KIRREL3: variants seen among roughly 807,000 people sequenced by gnomAD.
KIRREL3 encodes kin of IRRE-like protein 3.
A neutral mutation model predicts 89.7 loss-of-function variants in KIRREL3; 36 were observed. The ratio of observed to expected loss-of-function variants is 0.40; its 90% CI spans 0.31 to 0.53. KIRREL3 has a LOEUF of 0.53. KIRREL3 is among the 20% of genes least tolerant of loss of function. The pLI, the probability that KIRREL3 is intolerant of heterozygous loss-of-function variation, is 0.49. For missense variants in KIRREL3, 864 were observed against 1,056.6 expected (o/e 0.82, Z 2.53); for synonymous variants, 445 against 441.4 (o/e 1.01, Z -0.10).
rs966328005 is a variant in KIRREL3, at chr11:126,571,640, C to T, written c.56-8728G>A. ...TATTCCTATTTGACAGAAGGGAAAC[C>T]GAGGATCCAAAAGGTTACAAAACTT... On this transcript the variant is annotated intron_variant, in intron 1 of 16. Coordinates refer to ENST00000525144, the MANE Select transcript of KIRREL3 (RefSeq NM_032531.4). This position sits in a 1 kb window ranked among gnomAD's most constrained non-coding sequence, Gnocchi z 7.7. Among the ~76,000 whole-genome samples the T allele has an allele frequency of 6.6e-5, 10 of 152,106 alleles. No individual in the cohort carries two copies. The highest frequency in any genetic ancestry group is 2.6e-4 in the Admixed American group (4 of 15,274).
Position 126,523,519 on chromosome 11 carries a change from T to G in KIRREL3, c.284-2055A>C, listed in dbSNP as rs1008348825. 6.6e-6 allele frequency among the ~76,000 whole-genome samples: 1 copy of G among 152,142 alleles called. No homozygotes were observed. Among genetic ancestry groups the G allele is most frequent in the African/African-American group, 2.4e-5 (1 of 41,422 alleles). ...TCCTCATCATGCAATAAAATGGCCC[T>G]GTCCTCCCCAGCTGTGCAGGCCTGG... On this transcript the variant is annotated intron_variant, in intron 3 of 16. Transcript: ENST00000525144. This position sits in a 1 kb window ranked among gnomAD's most constrained non-coding sequence, Gnocchi z 4.9.
At chr11:126,967,103 C>G (rs545404045) in intron 1 of KIRREL3, among the ~76,000 whole-genome samples, 1 of 152,302 alleles carries the variant, frequency 6.6e-6, no homozygotes, top group Admixed American at 6.5e-5. Flanking sequence ...GAAACTTTCT[C>G]TGACCCGGAG....
chr11:127,001,676 C>T (rs1374960371), upstream of KIRREL3, among the ~76,000 whole-genome samples: 1 of 152,122 alleles, frequency 6.6e-6, no homozygotes, highest in African/African-American at 2.4e-5. Flanking sequence ...ACTCGGTTTC[C>T]TCCAGGATAT....
intron 1 of KIRREL3, among the ~76,000 whole-genome samples, chr11:126,619,484 A>T (rs554701106): frequency 2.6e-4 from 39 of 152,332 alleles, no homozygotes; most frequent in African/African-American, 5.8e-4. Context: ...TCACATTTTA[A>T]AAAAAGATCC....
rs1318402160 is a variant in KIRREL3, at chr11:126,709,212, T to A, written c.56-146300A>T. Among the ~76,000 whole-genome samples the A allele has an allele frequency of 2.0e-5, 3 of 152,212 alleles. No homozygotes were observed. The East Asian group carries it at 5.8e-4, about 29-fold the overall frequency. On this transcript the variant is annotated intron_variant, in intron 1 of 16. Coordinates refer to ENST00000525144, the MANE Select transcript of KIRREL3 (RefSeq NM_032531.4). The surrounding 1 kb of genome is among the most constrained non-coding windows in gnomAD (Gnocchi z 4.0). ...GCAAAAAGGTCAAGAAATTATTAGA[T>A]CAATTTCAAGTCCTCTTCCTGGCAT...
chr11:126,494,067 C>T (rs1310293118), intron 4 of KIRREL3, among the ~76,000 whole-genome samples: 1 of 152,134 alleles, frequency 6.6e-6, no homozygotes, highest in Non-Finnish European at 1.5e-5. Flanking sequence ...GTAAAAATAT[C>T]CACGATGAGG....
intron 1 of KIRREL3, among the ~76,000 whole-genome samples, chr11:126,820,970 C>T (rs991207558): frequency 1.3e-5 from 2 of 152,030 alleles, no homozygotes; most frequent in Non-Finnish European, 2.9e-5. Context: ...TTCGAGCTTA[C>T]TAGGTCTGAG....
rs894488986 is a variant in KIRREL3 at position 126,802,469 on chromosome 11, G to C, written c.55+197986C>G. On this transcript the variant is annotated intron_variant, in intron 1 of 16. Coordinates refer to ENST00000525144, the MANE Select transcript of KIRREL3 (RefSeq NM_032531.4). The surrounding 1 kb of genome is among the most constrained non-coding windows in gnomAD (Gnocchi z 5.2). ...CTGGGTCCATAGTCTGTGTGGCGTC[G>C]TTCTTCTCATGTCTGCGTGGATTTT... Among the ~76,000 whole-genome samples the C allele has an allele frequency of 1.3e-5, 2 of 152,158 alleles. No individual in the cohort carries two copies. The highest frequency in any genetic ancestry group is 2.9e-5 in the Non-Finnish European group (2 of 68,022).
rs573615434 is a variant in KIRREL3, at chr11:126,689,225, C to T, written c.56-126313G>A. Among the ~76,000 whole-genome samples the T allele has an allele frequency of 3.0e-4, 45 of 152,242 alleles. No individual in the cohort carries two copies. Among genetic ancestry groups the T allele is most frequent in the Admixed American group, 1.8e-3 (27 of 15,296 alleles). ...GAATCCTGGAAATAGTTAAGAAAGA[C>T]GATTTTCCAATGGCCAATACCTTCT... On this transcript the variant is annotated intron_variant, in intron 1 of 16. Transcript: ENST00000525144. This position sits in a 1 kb window ranked among gnomAD's most constrained non-coding sequence, Gnocchi z 5.2.
intron 1 of KIRREL3, among the ~76,000 whole-genome samples, chr11:126,945,715 G>C (rs1948603710): frequency 6.6e-6 from 1 of 152,134 alleles, no homozygotes; most frequent in African/African-American, 2.4e-5. Flanking sequence ...GGCGGGAAAA[G>C]AGAGGAACAG....
chr11:126,597,189 G>T (rs1441480906), intron 1 of KIRREL3, among the ~76,000 whole-genome samples: 1 of 152,196 alleles, frequency 6.6e-6, no homozygotes, highest in East Asian at 1.9e-4. Context: ...GCTCTCTGTG[G>T]CAGGGGGCCC....
At chr11:126,725,711 G>A (rs1948354126) in intron 1 of KIRREL3, among the ~76,000 whole-genome samples, 1 of 152,196 alleles carries the variant, frequency 6.6e-6, no homozygotes. Flanking sequence ...CAAGGCTGCT[G>A]CTGGGGTGGA....
intron 1 of KIRREL3, among the ~76,000 whole-genome samples, chr11:126,631,869 T>A (rs1944040270): frequency 6.6e-6 from 1 of 152,238 alleles, no homozygotes; most frequent in African/African-American, 2.4e-5. Context: ...CCTAGATACC[T>A]GACTCCTGGT....
At chr11:126,597,101 T>C (rs1942431852) in intron 1 of KIRREL3, among the ~76,000 whole-genome samples, 1 of 152,232 alleles carries the variant, frequency 6.6e-6, no homozygotes, top group Non-Finnish European at 1.5e-5. Context: ...CCAAAATCCC[T>C]GTGTCTCCAT....
At chr11:126,659,295 C>A (rs1374663880) in intron 1 of KIRREL3, among the ~76,000 whole-genome samples, 1 of 152,170 alleles carries the variant, frequency 6.6e-6, no homozygotes, top group Non-Finnish European at 1.5e-5. Context: ...AGAGTGACAC[C>A]TCATAGGATT....
At chr11:126,889,146 G>A (rs1945809642) in intron 1 of KIRREL3, among the ~76,000 whole-genome samples, 1 of 152,154 alleles carries the variant, frequency 6.6e-6, no homozygotes, top group Admixed American at 6.5e-5. Context: ...ACCACGATCA[G>A]GACTGCAAAC....
intron 1 of KIRREL3, among the ~76,000 whole-genome samples, chr11:126,580,457 G>T (rs958630447): frequency 1.3e-5 from 2 of 152,174 alleles, no homozygotes; most frequent in African/African-American, 4.8e-5. Flanking sequence ...AAGGGTTCAG[G>T]TTGCGATGGG....
Position 126,997,009 on chromosome 11 carries a change from C to T in KIRREL3, c.55+3446G>A, listed in dbSNP as rs913615219. 6.6e-6 allele frequency among the ~76,000 whole-genome samples: 1 copy of T among 151,996 alleles called. No homozygotes were observed. The highest frequency in any genetic ancestry group is 1.5e-5 in the Non-Finnish European group (1 of 67,996). ...CGCCAAGTTCTTGCCACTGTGGCTCCCCTGTCTATCTCCCCTGTCTCCGAG... is the reference window on the plus strand; with the variant it reads ...CGCCAAGTTCTTGCCACTGTGGCTCTCCTGTCTATCTCCCCTGTCTCCGAG... On this transcript the variant is annotated intron_variant, in intron 1 of 16. Coordinates refer to ENST00000525144, the MANE Select transcript of KIRREL3 (RefSeq NM_032531.4). The surrounding 1 kb of genome is among the most constrained non-coding windows in gnomAD (Gnocchi z 4.3).
rs181552937 is a variant in KIRREL3 at position 126,831,368 on chromosome 11, C to T, written c.55+169087G>A. ...TGCTCAATATTTATTGTCAATCTCT[C>T]TGCCTCTCTCTGTCTCTCTTTCTCT... is the stretch of plus-strand genomic sequence containing the variant. On this transcript the variant is annotated intron_variant, in intron 1 of 16. Coordinates refer to ENST00000525144, the MANE Select transcript of KIRREL3 (RefSeq NM_032531.4). Among the ~76,000 whole-genome samples the T allele has an allele frequency of 2.8e-3, 419 of 152,224 alleles. 2 individuals are homozygous for T. Among genetic ancestry groups the T allele is most frequent in the Middle Eastern group, 6.8e-3 (2 of 294 alleles).
Sources: allele counts gnomAD v4.1 joint callset (sites outside exome capture counted in the v4.1 genomes callset), GRCh38; gene constraint gnomAD v4.1.1; non-coding constraint Gnocchi (gnomAD v3.1); transcripts MANE v1.5; gene names NCBI Gene and HGNC (gene_info 2026-07-23, HGNC 2026-07-21).